Variants in FAM168A observed in about 807,000 individuals in gnomAD.
FAM168A encodes family with sequence similarity 168 member A.
In FAM168A, 3 loss-of-function variants were observed where a neutral mutation model predicts 28.5. The observed-to-expected ratio is 0.11, with a 90% confidence interval of 0.05 to 0.27. The LOEUF is 0.27. Ranked by LOEUF, FAM168A falls within the 10% of genes least tolerant of loss-of-function variation. FAM168A has a pLI of 1.00. For missense variants in FAM168A, 222 were observed against 311.5 expected (o/e 0.71, Z 2.16); for synonymous variants, 122 against 124.2 (o/e 0.98, Z 0.12).
At chr11:73,485,802 A>C (rs557794327) in intron 1 of FAM168A, among the ~76,000 whole-genome samples, 1 of 152,240 alleles carries the variant, frequency 6.6e-6, no homozygotes, top group Non-Finnish European at 1.5e-5. Flanking sequence ...AACCAGGCCC[A>C]ATGTGCAAGT....
intron 6 of FAM168A, among the ~76,000 whole-genome samples, chr11:73,407,902 C>T (rs1866536651): frequency 6.6e-6 from 1 of 152,298 alleles, no homozygotes; most frequent in Admixed American, 6.5e-5. Flanking sequence ...GACGGAGTCT[C>T]GCTCTGTCGC....
chr11:73,551,763 A>C (rs1445129095), intron 1 of FAM168A, among the ~76,000 whole-genome samples: 1 of 152,250 alleles, frequency 6.6e-6, no homozygotes, highest in Non-Finnish European at 1.5e-5. Flanking sequence ...TTTTTTAATT[A>C]GCTTTTTTAA....
chr11:73,460,498 GC>G (rs373284158), intron 2 of FAM168A, among the ~76,000 whole-genome samples: 1 of 136,068 alleles, frequency 7.3e-6, no homozygotes, highest in African/African-American at 2.8e-5. Context: ...GGCTACTAAT[GC>G]TTTTTTTTTT....
chr11:73,512,278 G>A (rs938304754), intron 1 of FAM168A, among the ~76,000 whole-genome samples: 6 of 152,036 alleles, frequency 3.9e-5, no homozygotes, highest in Admixed American at 3.9e-4. Context: ...TGATGAGTAG[G>A]TATTATTATA....
intron 3 of FAM168A, 160 bp downstream of exon 3, chr11:73,430,530 T>C (rs1457375352): frequency 5.8e-5 from 38 of 658,340 alleles, no homozygotes; most frequent in Middle Eastern, 4.2e-4. Context: ...CTGAGGCTGA[T>C]TGTCCCAGTT....
Position 73,481,014 on chromosome 11 carries a change from G to A in FAM168A, c.-18-12522C>T, listed in dbSNP as rs528246233. Among the ~76,000 whole-genome samples the A allele has an allele frequency of 7.9e-5, 12 of 152,110 alleles. No homozygotes were observed. The South Asian group carries it at 1.9e-3, about 24-fold the overall frequency. Reference sequence around the variant, plus strand: ...ATGCTGTTTTGTTTTTAATACCATCGTTCTCCATCATTTCTGGTTTCTCTC... The same window carrying A: ...ATGCTGTTTTGTTTTTAATACCATCATTCTCCATCATTTCTGGTTTCTCTC... On this transcript the variant is annotated intron_variant, in intron 1 of 7. Transcript: ENST00000356467.
intron 3 of FAM168A, chr11:73,424,985 A>G: frequency 6.7e-7 from 1 of 1,487,586 alleles, no homozygotes; most frequent in Non-Finnish European, 9.0e-7. Flanking sequence ...ACACATTCAT[A>G]GGCTGTAATA....
intron 1 of FAM168A, among the ~76,000 whole-genome samples, chr11:73,587,160 A>AG (rs1442596153): frequency 7.0e-6 from 1 of 142,860 alleles, no homozygotes; most frequent in East Asian, 1.9e-4. Flanking sequence ...GTTAAAAAAA[A>AG]AAAAAAAAAA....
At chr11:73,541,531 C>A (rs1943657713) in intron 1 of FAM168A, among the ~76,000 whole-genome samples, 1 of 151,934 alleles carries the variant, frequency 6.6e-6, no homozygotes, top group Non-Finnish European at 1.5e-5. Flanking sequence ...TGCCACCACA[C>A]CCGGCTAATT....
At chr11:73,519,832 AT>A (rs142448485) in intron 1 of FAM168A, among the ~76,000 whole-genome samples, 2,319 of 148,588 alleles carry the variant, frequency 0.016, 56 homozygotes, top group African/African-American at 0.055. Context: ...ATATATGTAT[AT>A]TTTTTTTTTC....
intron 1 of FAM168A, among the ~76,000 whole-genome samples, chr11:73,511,764 G>C (rs1174397696): frequency 1.1e-4 from 17 of 152,074 alleles, no homozygotes; most frequent in Admixed American, 1.1e-3. Flanking sequence ...CCGAGTCTTA[G>C]TTTCCTCATC....
intron 1 of FAM168A, among the ~76,000 whole-genome samples, chr11:73,494,556 G>A (rs1013814158): frequency 1.3e-5 from 2 of 152,214 alleles, no homozygotes; most frequent in African/African-American, 2.4e-5. Context: ...AGAGGCCCCA[G>A]AACATTTTAG....
chr11:73,408,935 T>G (rs143892312), intron 6 of FAM168A, among the ~76,000 whole-genome samples: 1,594 of 151,994 alleles, frequency 0.01, 31 homozygotes, highest in African/African-American at 0.035. Context: ...GTTACTGGAG[T>G]GCTAGCATCA....
chr11:73,459,775 A>AGGGTCTC (rs1867609344), intron 2 of FAM168A, among the ~76,000 whole-genome samples: 1 of 152,030 alleles, frequency 6.6e-6, no homozygotes, highest in East Asian at 1.9e-4. Context: ...GTTTTCTCTG[A>AGGGTCTC]GGGTCTCTGC....
At chr11:73,590,724 T>C (rs1360880187) in intron 1 of FAM168A, among the ~76,000 whole-genome samples, 1 of 152,258 alleles carries the variant, frequency 6.6e-6, no homozygotes, top group African/African-American at 2.4e-5. Flanking sequence ...ACATCTGCCT[T>C]ATGCTCACCT....
chr11:73,470,424 C>G (rs117678944), intron 1 of FAM168A, among the ~76,000 whole-genome samples: 1 of 152,122 alleles, frequency 6.6e-6, no homozygotes, highest in Non-Finnish European at 1.5e-5. Context: ...TGTTTCCCCC[C>G]AGAAAGCACG....
In FAM168A at chr11:73,560,233, C is replaced by CT. The variant is rs762891836; in HGVS notation, c.-19+37689dup. 3.9e-3 allele frequency among the ~76,000 whole-genome samples: 571 copies of CT among 144,586 alleles called. 2 individuals carry two copies. Among genetic ancestry groups the CT allele is most frequent in the Middle Eastern group, 0.014 (4 of 280 alleles). 94.9% of individuals were successfully genotyped at this position (144,586 alleles called of 152,430 possible). A position where few individuals can be genotyped will look rare whatever the true frequency, so the allele number is the denominator to read the frequency against. On this transcript the variant is annotated intron_variant, in intron 1 of 7. Transcript: ENST00000356467. ...CATGTGCCACCATGACCATGCCTGG[C>CT]TTTTTTTTTTTAAAGAGATGGGGTC... is the stretch of plus-strand genomic sequence containing the variant.
chr11:73,517,829 A>T (rs184930324), intron 1 of FAM168A, among the ~76,000 whole-genome samples: 17 of 152,370 alleles, frequency 1.1e-4, no homozygotes, highest in African/African-American at 3.8e-4. Context: ...TGCCATTCAT[A>T]CAAGGGTCAA....
chr11:73,552,581 C>T (rs1304580165), intron 1 of FAM168A, among the ~76,000 whole-genome samples: 1 of 152,142 alleles, frequency 6.6e-6, no homozygotes, highest in Non-Finnish European at 1.5e-5. Context: ...TCTTTATTTG[C>T]TGTTTTCCTT....
Sources: gnomAD v4.1 joint callset for allele counts (sites outside exome capture counted in the v4.1 genomes callset) on GRCh38, gnomAD v4.1.1 for gene constraint, MANE v1.5 for transcripts, NCBI Gene and HGNC (gene_info 2026-07-23, HGNC 2026-07-21) for gene names.